The following UNC5D variants were observed in gnomAD, a reference collection of about 807,000 sequenced individuals.
UNC5D encodes the protein unc-5 netrin receptor D, also known as netrin receptor UNC5D.
A neutral mutation model predicts 105.4 loss-of-function variants in UNC5D; 39 were observed. The ratio of observed to expected loss-of-function variants is 0.37; its 90% CI spans 0.29 to 0.48. The LOEUF (loss-of-function observed/expected upper bound fraction) is 0.48, where lower values mean the gene tolerates loss of function less well. UNC5D is among the 20% of genes least tolerant of loss of function. The pLI is 0.98. For synonymous variants in UNC5D, 452 were observed against 450.4 expected (o/e 1.00, Z -0.04); for missense variants, 991 against 1,202.4 (o/e 0.82, Z 2.60).
intron 4 of UNC5D, among the ~76,000 whole-genome samples, chr8:35,677,792 T>C (rs1047003338): frequency 2.1e-5 from 3 of 143,894 alleles, no homozygotes; most frequent in African/African-American, 7.7e-5. Flanking sequence ...ATATATATGC[T>C]GATATGCTGG....
chr8:35,736,324 T>C (rs1004230901), intron 11 of UNC5D, among the ~76,000 whole-genome samples: 4 of 152,150 alleles, frequency 2.6e-5, no homozygotes, highest in African/African-American at 4.8e-5. Flanking sequence ...TAAGCCAAGA[T>C]TGCACCACTT....
At chr8:35,329,559 A>C (rs537456966) in intron 1 of UNC5D, among the ~76,000 whole-genome samples, 2 of 152,060 alleles carry the variant, frequency 1.3e-5, no homozygotes, top group African/African-American at 4.8e-5. Context: ...TTGTGTTCCT[A>C]TCTGAAGTCT....
chr8:35,353,446 T>C (rs1585650305), intron 1 of UNC5D, among the ~76,000 whole-genome samples: 1 of 152,210 alleles, frequency 6.6e-6, no homozygotes, highest in African/African-American at 2.4e-5. Flanking sequence ...GTCTTTGGGA[T>C]TGTAACTTTA....
Position 35,793,869 on chromosome 8 carries a change from T to C in UNC5D, c.*3306T>C, listed in dbSNP as rs1803152188. On this transcript the variant is annotated 3_prime_UTR_variant, in exon 17 of 17. Transcript: ENST00000404895. The stretch of plus-strand genomic sequence containing the variant: ...TCTTTAAAGAGAAGAACTTTTTTAT[T>C]ATTATTTTTATCTCCAACTGCAGGT... 1.3e-5 allele frequency: 2 copies of C among 152,210 alleles called. No individual in the cohort carries two copies. Among genetic ancestry groups the C allele is most frequent in the African/African-American group, 4.8e-5 (2 of 41,466 alleles). 9.4% of individuals were successfully genotyped at this position (152,210 alleles called of 1,614,324 possible).
intron 7 of UNC5D, among the ~76,000 whole-genome samples, chr8:35,686,938 T>A (rs922767233): frequency 1.3e-5 from 2 of 152,214 alleles, no homozygotes; most frequent in African/African-American, 4.8e-5. Flanking sequence ...ATGTGTATAC[T>A]TACTAATTTG....
intron 1 of UNC5D, among the ~76,000 whole-genome samples, chr8:35,489,250 C>T (rs564343718): frequency 6.6e-6 from 1 of 152,180 alleles, no homozygotes; most frequent in Admixed American, 6.5e-5. Context: ...TCAGGTGATC[C>T]ACCTGCCTCA....
chr8:35,247,323 A>C (rs1439616380), intron 1 of UNC5D, among the ~76,000 whole-genome samples: 1 of 149,574 alleles, frequency 6.7e-6, no homozygotes, highest in Non-Finnish European at 1.5e-5. Context: ...TCATGATATG[A>C]TGGATGCAGT....
chr8:35,693,727 C>T (rs1226245398), intron 7 of UNC5D, among the ~76,000 whole-genome samples: 2 of 152,024 alleles, frequency 1.3e-5, no homozygotes, highest in African/African-American at 4.8e-5. Flanking sequence ...CCCATTGCTA[C>T]CCACTTTTTC....
intron 1 of UNC5D, among the ~76,000 whole-genome samples, chr8:35,536,553 G>T (rs571017373): frequency 1.3e-5 from 2 of 152,106 alleles, no homozygotes; most frequent in Non-Finnish European, 2.9e-5. Context: ...GTTCTTCCCT[G>T]CACAAGACCT....
chr8:35,686,678 T>C lies in UNC5D; in HGVS notation c.1053T>C (p.Ser351=). 1 of 1,604,012 alleles carries C rather than the reference T, an allele frequency of 6.2e-7. No homozygotes were observed. The highest frequency in any genetic ancestry group is 1.1e-5 in the South Asian group (1 of 89,210). The change falls in exon 7 of 17, where the codon TCT becomes TCC. Residue 351 remains serine (S), a synonymous_variant. Coordinates refer to ENST00000404895, the MANE Select transcript of UNC5D (RefSeq NM_080872.4). ...TCTGTGAAGGTCTAAGCCAGGAATC[T>C]GAAAACTGCACAGATGGTCTTTGCA... ...GKFCEGLSQE[S]ENCTDGLCIL... is the part of the protein sequence containing the mutation.
intron 10 of UNC5D, 64 bp from the exon 11 acceptor site, chr8:35,730,948 G>C (rs566302529): frequency 1.4e-6 from 2 of 1,479,756 alleles, no homozygotes; most frequent in African/African-American, 1.4e-5. Flanking sequence ...TAAGGTGCTC[G>C]AGTGACAAAC....
intron 3 of UNC5D, among the ~76,000 whole-genome samples, chr8:35,578,035 G>T (rs1031145282): frequency 6.6e-6 from 1 of 151,830 alleles, no homozygotes; most frequent in African/African-American, 2.4e-5. Flanking sequence ...GACCAGCCTG[G>T]CCAACATGGT....
At chr8:35,744,985 G>A (rs752371971) in intron 11 of UNC5D, among the ~76,000 whole-genome samples, 40 of 151,946 alleles carry the variant, frequency 2.6e-4, no homozygotes, top group Non-Finnish European at 5.1e-4. Flanking sequence ...CCTAGGAGAC[G>A]GAGGTTGCAG....
chr8:35,261,414 C>T (rs1804483464), intron 1 of UNC5D, among the ~76,000 whole-genome samples: 1 of 152,230 alleles, frequency 6.6e-6, no homozygotes, highest in South Asian at 2.1e-4. Flanking sequence ...AAACTGTCAC[C>T]TGTTAAAATA....
chr8:35,246,198 C>T (rs1419795561), intron 1 of UNC5D, among the ~76,000 whole-genome samples: 1 of 152,046 alleles, frequency 6.6e-6, no homozygotes, highest in Non-Finnish European at 1.5e-5. Flanking sequence ...TCCGTGATGC[C>T]GCCCTTTGTT....
intron 4 of UNC5D, among the ~76,000 whole-genome samples, chr8:35,647,584 C>T (rs1823136308): frequency 6.6e-6 from 1 of 152,118 alleles, no homozygotes; most frequent in African/African-American, 2.4e-5. Context: ...CATTAGGTTT[C>T]TATGAATATT....
chr8:35,331,468 G>A (rs1240706953), intron 1 of UNC5D, among the ~76,000 whole-genome samples: 1 of 152,050 alleles, frequency 6.6e-6, no homozygotes, highest in Non-Finnish European at 1.5e-5. Flanking sequence ...AAAACCAAAG[G>A]AGGAGGCCAG....
chr8:35,610,519 G>A (rs536227909), intron 4 of UNC5D, among the ~76,000 whole-genome samples: 1 of 152,224 alleles, frequency 6.6e-6, no homozygotes, highest in African/African-American at 2.4e-5. Flanking sequence ...GAGGCCGAGG[G>A]GGACAAGGAG....
chr8:35,487,566 T>TACACACACACACACAC (rs3048025), intron 1 of UNC5D, among the ~76,000 whole-genome samples: 116 of 113,012 alleles, frequency 1.0e-3, no homozygotes, highest in African/African-American at 4.1e-3. Context: ...TCTCTCTCTG[T>TACACACACACACACAC]ACACACACAC....
Sources: gnomAD v4.1 joint callset for allele counts (sites outside exome capture counted in the v4.1 genomes callset) on GRCh38, gnomAD v4.1.1 for gene constraint, MANE v1.5 for transcripts, NCBI Gene and HGNC (gene_info 2026-07-23, HGNC 2026-07-21) for gene names.